The following RTKN variants were observed in gnomAD, a reference collection of about 807,000 sequenced individuals.
RTKN encodes rhotekin.
A neutral mutation model predicts 63.5 loss-of-function variants in RTKN; 49 were observed. The ratio of observed to expected loss-of-function variants is 0.77; its 90% CI spans 0.61 to 0.98. RTKN has a LOEUF of 0.98. Among genes scored for constraint, RTKN ranks in the 50% least tolerant of loss-of-function variants. The probability of loss-of-function intolerance (pLI) is 0.00; values close to 1 mark genes in which losing one functional copy is unlikely to be tolerated. For synonymous variants in RTKN, 295 were observed against 290.4 expected, an observed-to-expected ratio of 1.02 and a Z score of -0.16; for missense variants, 685 against 740.8, an observed-to-expected ratio of 0.92 and a Z score of 0.87.
chr2:74,439,680 GT>G, intron 1 of RTKN: 1 of 1,606,996 alleles, frequency 6.2e-7, no homozygotes, highest in Non-Finnish European at 8.5e-7. Flanking sequence ...GGACAGATAG[GT>G]ACCACACTGT....
At chr2:74,429,491 G>A (rs1670613701) in intron 6 of RTKN, among the ~76,000 whole-genome samples, 2 of 152,174 alleles carry the variant, frequency 1.3e-5, no homozygotes, top group East Asian at 1.9e-4. Flanking sequence ...TTGGGAGGCC[G>A]AGGCGGGAGG....
chr2:74,430,073 A>G, intron 5 of RTKN, 36 bp from the exon 6 acceptor site: 1 of 1,610,914 alleles, frequency 6.2e-7, no homozygotes, highest in Middle Eastern at 1.7e-4. Flanking sequence ...GTCACAGGAA[A>G]GTCCAGGGAG....
Position 74,426,159 on chromosome 2 carries a change from CTA to C in RTKN, c.*82_*83del, listed in dbSNP as rs2103867061. On this transcript the variant is annotated 3_prime_UTR_variant, in exon 12 of 12. Transcript: ENST00000272430. The stretch of plus-strand genomic sequence containing the variant: ...ACAGGAGGCCAGACTGGCCAACTTG[CTA>C]TAGACAGCGCCGTATCCAGAGCCCA... The C allele has an allele frequency of 7.8e-7, 1 of 1,282,758 alleles. No individual in the cohort carries two copies. Among genetic ancestry groups the C allele is most frequent in the Admixed American group, 1.9e-5 (1 of 53,024 alleles). The allele number at this position is 1,282,758 out of a possible 1,614,324, so 79.5% of individuals were successfully genotyped here.
chr2:74,427,898 G>A (rs1670500993), intron 9 of RTKN: 2 of 479,032 alleles, frequency 4.2e-6, no homozygotes, highest in Non-Finnish European at 7.5e-6. Flanking sequence ...AAAGTAGGCA[G>A]GAAAGCCCAT....
chr2:74,428,995 G>A, intron 6 of RTKN, 53 bp from the exon 7 acceptor site: 1 of 1,411,720 alleles, frequency 7.1e-7, no homozygotes, highest in Non-Finnish European at 1.0e-6. Context: ...TTGGCCAGCA[G>A]GAACTCTAAG....
chr2:74,433,456 G>C (rs1384528503), intron 1 of RTKN, among the ~76,000 whole-genome samples: 2 of 151,438 alleles, frequency 1.3e-5, no homozygotes, highest in Non-Finnish European at 2.9e-5. Flanking sequence ...CATATATCTA[G>C]GTAAAGCCAT....
Position 74,429,968 on chromosome 2 carries a change from G to C in RTKN, c.615C>G (p.Ala205=), listed in dbSNP as rs1024415908. ...LYGACVEEEG[A]LTGGPKRLAT... ...CAAGCCTCTTGGGGCCGCCAGTCAG[G>C]GCCCCCTCTTCTTCCACACAGGCCC... Residue 205 remains alanine, a synonymous_variant, in exon 6 of 12, where the codon GCC becomes GCG. Coordinates refer to ENST00000272430, the MANE Select transcript of RTKN (RefSeq NM_001015055.2). 1.2e-6 allele frequency: 2 copies of C among 1,614,126 alleles called. No individual in the cohort carries two copies. The highest frequency in any genetic ancestry group is 2.7e-5 in the African/African-American group (2 of 74,940).
intron 2 of RTKN, among the ~76,000 whole-genome samples, chr2:74,431,477 T>G (rs1484527690): frequency 6.6e-6 from 1 of 152,236 alleles, no homozygotes; most frequent in African/African-American, 2.4e-5. Context: ...TTAAGCTAAA[T>G]GATGTGGCAC....
intron 2 of RTKN, among the ~76,000 whole-genome samples, chr2:74,431,320 A>C (rs1670739412): frequency 6.6e-6 from 1 of 151,564 alleles, no homozygotes; most frequent in Non-Finnish European, 1.5e-5. Flanking sequence ...CAGCTCCCCC[A>C]CACCCCACTG....
In RTKN at chr2:74,426,298, G is replaced by A. The variant is rs1327444172; in HGVS notation, c.1637C>T (p.Thr546Ile). 1 of 1,614,072 alleles carries A rather than the reference G, an allele frequency of 6.2e-7. No individual in the cohort carries two copies. The highest frequency in any genetic ancestry group is 2.2e-5 in the East Asian group (1 of 44,880). Residue 546 changes from threonine to isoleucine, a missense_variant, in exon 12 of 12, where the codon ACC becomes ATC. Thr to Ile is a moderately conservative substitution (Grantham distance 89). Transcript: ENST00000272430. ...TTGGCCTTTGCTGCAGAGGCCTCTGGTCCGTGGGGATCGCTGAGGTGGGAG... is the reference window on the plus strand; with the variant it reads ...TTGGCCTTTGCTGCAGAGGCCTCTGATCCGTGGGGATCGCTGAGGTGGGAG... ...APLPPQRSPR[T>I]RGLCSKGQPR... is the part of the protein sequence containing the mutation.
chr2:74,428,033 G>GA (rs1352918111), intron 9 of RTKN: 1 of 575,606 alleles, frequency 1.7e-6, no homozygotes, highest in Non-Finnish European at 3.1e-6. Flanking sequence ...ACCTGCAGGC[G>GA]AGAGAACCCT....
Position 74,426,203 on chromosome 2 carries a change from T to C in RTKN, c.*40A>G. On this transcript the variant is annotated 3_prime_UTR_variant, in exon 12 of 12. Coordinates refer to ENST00000272430, the MANE Select transcript of RTKN (RefSeq NM_001015055.2). ...CAGAGCCCAACTGCGCATGGGTCAT[T>C]TTCTCTTCTGGGCAGATCCTATGCC... 6.3e-7 allele frequency: 1 copy of C among 1,579,600 alleles called. No homozygotes were observed.
At chr2:74,435,326 T>C (rs1670995165) in intron 1 of RTKN, among the ~76,000 whole-genome samples, 1 of 152,188 alleles carries the variant, frequency 6.6e-6, no homozygotes, top group Non-Finnish European at 1.5e-5. Context: ...ATGGAAATAG[T>C]CCTAGGGCTG....
At chr2:74,429,665 G>A (rs1228512867) in intron 6 of RTKN, among the ~76,000 whole-genome samples, 163 bp downstream of exon 6, 6 of 152,218 alleles carry the variant, frequency 3.9e-5, no homozygotes, top group East Asian at 3.8e-4. Context: ...GCTCTGGGGC[G>A]TGGGCTGGAA....
intron 8 of RTKN, 53 bp from the exon 9 acceptor site, chr2:74,428,449 C>G (rs1043068135): frequency 6.2e-7 from 1 of 1,613,542 alleles, no homozygotes. Flanking sequence ...CAGTATCCCT[C>G]TTCTCAGCCC....
At chr2:74,440,104 G>C in intron 1 of RTKN, 2 of 637,294 alleles carry the variant, frequency 3.1e-6, no homozygotes, top group Non-Finnish European at 4.0e-6. Flanking sequence ...AACTGGAAGG[G>C]GGCAGGGAAA....
rs1476321735 is a variant in RTKN, at chr2:74,428,288, G to A, written c.1066C>T (p.Leu356Phe). The A allele has an allele frequency of 6.2e-7, 1 of 1,614,050 alleles. No homozygotes were observed. Among genetic ancestry groups the A allele is most frequent in the African/African-American group, 1.3e-5 (1 of 74,916 alleles). The change falls in exon 9 of 12, where the codon CTT (leucine) becomes TTT (phenylalanine). Residue 356 changes from leucine (L) to phenylalanine (F), a missense_variant. Coordinates refer to ENST00000272430, the MANE Select transcript of RTKN (RefSeq NM_001015055.2). ...EDADTGEEPLLTIAVNKETRV... is the reference protein window; with the variant it reads ...EDADTGEEPLFTIAVNKETRV... ...ATCACCTTGTTGACAGCAATAGTAA[G>A]CAGCGGCTCTTCCCCAGTGTCTGCA...
At chr2:74,430,193 G>A (rs151287513) in intron 5 of RTKN, 59 bp downstream of exon 5, 24 of 1,552,648 alleles carry the variant, frequency 1.5e-5, no homozygotes, top group South Asian at 7.8e-5. Context: ...CCTGGAACTC[G>A]CTCATCCAGA....
chr2:74,430,494 T>G lies in RTKN; in HGVS notation c.398A>C (p.Lys133Thr). ...ISDLRIPLMWKDTEYFKNKGD... is the reference protein window; with the variant it reads ...ISDLRIPLMWTDTEYFKNKGD... ...TTTGTTCTTGAAATATTCTGTGTCC[T>G]TCCACATGAGTGGAATCCGGAGGTC... Residue 133 changes from lysine (K) to threonine (T), a missense_variant, in exon 4 of 12, where the codon AAG becomes ACG. Coordinates refer to ENST00000272430, the MANE Select transcript of RTKN (RefSeq NM_001015055.2). 6.2e-7 allele frequency: 1 copy of G among 1,614,240 alleles called. No homozygotes were observed. Among genetic ancestry groups the G allele is most frequent in the East Asian group, 2.2e-5 (1 of 44,882 alleles).
Sources: gnomAD v4.1 joint callset for allele counts (sites outside exome capture counted in the v4.1 genomes callset) on GRCh38, gnomAD v4.1.1 for gene constraint, MANE v1.5 for transcripts, NCBI Gene and HGNC (gene_info 2026-07-23, HGNC 2026-07-21) for gene names.